BBS9: variants seen among roughly 807,000 people sequenced by gnomAD.
BBS9 encodes the protein protein PTHB1.
A neutral mutation model predicts 117.7 loss-of-function variants in BBS9; 89 were observed. The observed-to-expected ratio is 0.76, with a 90% confidence interval of 0.64 to 0.90. The LOEUF is 0.90. Among genes scored for constraint, BBS9 ranks in the 40% least tolerant of loss-of-function variants. The pLI is 0.00. For missense variants in BBS9, 982 were observed against 1,042.2 expected (o/e 0.94, Z 0.80); for synonymous variants, 379 against 370.9 (o/e 1.02, Z -0.25).
At chr7:33,546,520 C>G (rs1170318932) in intron 21 of BBS9, among the ~76,000 whole-genome samples, 1 of 152,118 alleles carries the variant, frequency 6.6e-6, no homozygotes, top group East Asian at 1.9e-4. Flanking sequence ...ATTTCTAAGC[C>G]TGAAATACTA....
At chr7:33,427,893 T>C (rs936297798) in intron 19 of BBS9, among the ~76,000 whole-genome samples, 1 of 152,170 alleles carries the variant, frequency 6.6e-6, no homozygotes, top group Non-Finnish European at 1.5e-5. Context: ...TTACTATTAT[T>C]ATCCTTATTT....
intron 19 of BBS9, among the ~76,000 whole-genome samples, chr7:33,414,787 T>A (rs1831706035): frequency 6.6e-6 from 1 of 152,188 alleles, no homozygotes; most frequent in East Asian, 1.9e-4. Context: ...ACTATTTTCT[T>A]AGAATAAATT....
At chr7:33,480,308 T>C (rs527973601) in intron 19 of BBS9, among the ~76,000 whole-genome samples, 1 of 152,312 alleles carries the variant, frequency 6.6e-6, no homozygotes, top group Admixed American at 6.5e-5. Flanking sequence ...TGTGCAAGGC[T>C]CTATACTAGT....
intron 19 of BBS9, chr7:33,390,512 A>G: frequency 3.1e-6 from 3 of 968,430 alleles, no homozygotes; most frequent in Non-Finnish European, 3.7e-6. Flanking sequence ...GAAAAATATG[A>G]GTACTATAAG....
At chr7:33,352,689 A>G (rs1267308345) in intron 14 of BBS9, among the ~76,000 whole-genome samples, 170 bp from the exon 15 acceptor site, 2 of 152,104 alleles carry the variant, frequency 1.3e-5, no homozygotes, top group Non-Finnish European at 2.9e-5. Context: ...TATACTCTCA[A>G]TTGTGGATTG....
intron 5 of BBS9, among the ~76,000 whole-genome samples, chr7:33,222,019 A>G (rs1322832003): frequency 6.6e-6 from 1 of 152,184 alleles, no homozygotes; most frequent in African/African-American, 2.4e-5. Flanking sequence ...ACAGTGAAAT[A>G]AGGGGGTCTT....
chr7:33,168,335 T>G (rs1796006927), intron 4 of BBS9, among the ~76,000 whole-genome samples: 1 of 152,184 alleles, frequency 6.6e-6, no homozygotes, highest in Non-Finnish European at 1.5e-5. Flanking sequence ...CAAGAATTTT[T>G]TTTTGAAAAA....
chr7:33,634,093 TTCCTCACGCAGGCCCGTC>T (rs1477399677), intron 21 of BBS9, among the ~76,000 whole-genome samples: 1 of 152,220 alleles, frequency 6.6e-6, no homozygotes, highest in Admixed American at 6.5e-5. Context: ...ACAGAACATC[TTCCTCACGCAGGCCCGTC>T]TCCCATGGAG....
At chr7:33,300,051 T>C (rs1806059959) in intron 9 of BBS9, among the ~76,000 whole-genome samples, 2 of 152,168 alleles carry the variant, frequency 1.3e-5, no homozygotes, top group South Asian at 4.1e-4. Context: ...CAATGGGAAC[T>C]ATTACCGTTC....
chr7:33,565,944 A>G (rs1183888547), intron 21 of BBS9, among the ~76,000 whole-genome samples: 1 of 148,832 alleles, frequency 6.7e-6, no homozygotes, highest in Admixed American at 6.7e-5. Context: ...GAGAAGTGGA[A>G]GAGATGGTGT....
At chr7:33,511,191 T>G (rs550102806) in intron 20 of BBS9, among the ~76,000 whole-genome samples, 1 of 152,088 alleles carries the variant, frequency 6.6e-6, no homozygotes, top group East Asian at 1.9e-4. Flanking sequence ...TCACTTAGAG[T>G]TGGTATGTAG....
intron 21 of BBS9, among the ~76,000 whole-genome samples, chr7:33,599,651 G>T (rs1290678284): frequency 6.6e-6 from 1 of 152,074 alleles, no homozygotes; most frequent in Non-Finnish European, 1.5e-5. Context: ...TTTATAAATG[G>T]TTGGTTCTAT....
At chr7:33,492,067 G>T (rs956505330) in intron 19 of BBS9, among the ~76,000 whole-genome samples, 1 of 151,722 alleles carries the variant, frequency 6.6e-6, no homozygotes, top group Non-Finnish European at 1.5e-5. Flanking sequence ...GCTGGGCGTG[G>T]TGGCGAATGC....
chr7:33,529,418 A>C (rs1850214651), intron 20 of BBS9, among the ~76,000 whole-genome samples: 1 of 152,186 alleles, frequency 6.6e-6, no homozygotes, highest in African/African-American at 2.4e-5. Flanking sequence ...CTGGTAGAGG[A>C]CTTGGGTAAA....
intron 19 of BBS9, among the ~76,000 whole-genome samples, chr7:33,472,798 C>A (rs1302005704): frequency 6.6e-6 from 1 of 152,168 alleles, no homozygotes; most frequent in Non-Finnish European, 1.5e-5. Flanking sequence ...TTACTTTTTT[C>A]CTGTAGTGAA....
At chr7:33,610,105 C>T (rs527370474), downstream of BBS9, among the ~76,000 whole-genome samples, 20 of 152,124 alleles carry the variant, frequency 1.3e-4, 1 homozygote, top group South Asian at 3.7e-3. Flanking sequence ...AAGTTTAAGC[C>T]TGATTAGCAT....
intron 9 of BBS9, among the ~76,000 whole-genome samples, chr7:33,324,919 C>A (rs1812535127): frequency 6.6e-6 from 1 of 152,006 alleles, no homozygotes; most frequent in Non-Finnish European, 1.5e-5. Context: ...TTTATCCTTG[C>A]CTTTTGGAGT....
At chr7:33,137,128 A>G (rs1392096598) in intron 1 of BBS9, among the ~76,000 whole-genome samples, 3 of 152,112 alleles carry the variant, frequency 2.0e-5, no homozygotes, top group Non-Finnish European at 2.9e-5. Context: ...GTCGGTGCCC[A>G]GAGTCCGGAG....
chr7:33,217,948 C>T (rs528632288), intron 5 of BBS9, among the ~76,000 whole-genome samples: 2 of 151,188 alleles, frequency 1.3e-5, no homozygotes, highest in Non-Finnish European at 2.9e-5. Flanking sequence ...AAGCAAATGG[C>T]GAAAGGAAAT....
Sources: allele counts gnomAD v4.1 joint callset (sites outside exome capture counted in the v4.1 genomes callset), GRCh38; gene constraint gnomAD v4.1.1; transcripts MANE v1.5; gene names NCBI Gene and HGNC (gene_info 2026-07-23, HGNC 2026-07-21).